NID2: variants seen among roughly 807,000 people sequenced by gnomAD.
NID2 encodes nidogen 2.
A neutral mutation model predicts 145.4 loss-of-function variants in NID2; 83 were observed. That is an observed-to-expected ratio of 0.57 (90% confidence interval 0.48 to 0.69). The LOEUF is 0.69. Ranked by LOEUF, NID2 falls within the 30% of genes least tolerant of loss-of-function variation. The pLI, the probability that NID2 is intolerant of heterozygous loss-of-function variation, is 0.00. For synonymous variants in NID2, 739 were observed against 701.3 expected (o/e 1.05, Z -0.85); for missense variants, 1,807 against 1,765.7 (o/e 1.02, Z -0.42).
intron 9 of NID2, among the ~76,000 whole-genome samples, chr14:52,032,804 G>GAAAAAAAAAAAAA (rs3030384): frequency 3.1e-4 from 44 of 141,812 alleles, no homozygotes; most frequent in African/African-American, 1.0e-3. Context: ...GGCATTAAAA[G>GAAAAAAAAAAAAA]AAAAAAAAAA....
chr14:52,032,804 G>GA (rs3030384), intron 9 of NID2, among the ~76,000 whole-genome samples: 10 of 141,848 alleles, frequency 7.0e-5, no homozygotes, highest in South Asian at 2.2e-4. Context: ...GGCATTAAAA[G>GA]AAAAAAAAAA....
intron 2 of NID2, among the ~76,000 whole-genome samples, chr14:52,063,970 A>G (rs1472244908): frequency 6.6e-6 from 1 of 152,166 alleles, no homozygotes; most frequent in Non-Finnish European, 1.5e-5. Flanking sequence ...TAATTTCCAT[A>G]TATGGTTCAG....
chr14:52,045,084 A>G (rs1196162724), intron 5 of NID2, among the ~76,000 whole-genome samples: 1 of 152,190 alleles, frequency 6.6e-6, no homozygotes, highest in East Asian at 1.9e-4. Flanking sequence ...ATGGGATCCA[A>G]GTACGGAGAT....
chr14:52,014,204 A>T, intron 16 of NID2, 83 bp downstream of exon 16: 1 of 1,565,450 alleles, frequency 6.4e-7, no homozygotes, highest in Non-Finnish European at 8.8e-7. Context: ...GCACCAGTCC[A>T]CCTCACTGCA....
chr14:52,035,337 T>C (rs1389312860), intron 9 of NID2, among the ~76,000 whole-genome samples: 1 of 152,254 alleles, frequency 6.6e-6, no homozygotes, highest in East Asian at 1.9e-4. Context: ...AGTGTAACCT[T>C]TTCCAGAATG....
chr14:52,037,966 T>C (rs1376667901), intron 9 of NID2, among the ~76,000 whole-genome samples: 1 of 152,272 alleles, frequency 6.6e-6, no homozygotes, highest in African/African-American at 2.4e-5. Flanking sequence ...GCATATCTTA[T>C]AACATTGCGA....
chr14:52,012,259 A>G (rs959503809), intron 16 of NID2, among the ~76,000 whole-genome samples: 3 of 152,094 alleles, frequency 2.0e-5, no homozygotes, highest in African/African-American at 7.2e-5. Flanking sequence ...ACAATCACCT[A>G]TACTCCTGCC....
intron 8 of NID2, among the ~76,000 whole-genome samples, 163 bp downstream of exon 8, chr14:52,040,488 G>A (rs3825594): frequency 0.27 from 40,686 of 151,988 alleles, 6,022 homozygotes; most frequent in East Asian, 0.52. Flanking sequence ...TCACTTACAC[G>A]ATATATTTCA....
intron 11 of NID2, 71 bp from the exon 12 acceptor site, chr14:52,027,415 T>G: frequency 2.2e-6 from 3 of 1,350,768 alleles, no homozygotes; most frequent in Non-Finnish European, 2.9e-6. Context: ...CCTCATGGCA[T>G]GATCCACAGA....
At chr14:52,006,839 ATTCAAACT>A in intron 19 of NID2, 179 bp from the exon 20 acceptor site, 1 of 519,380 alleles carries the variant, frequency 1.9e-6, no homozygotes, top group East Asian at 3.6e-5. Context: ...TTTAGTAGAG[ATTCAAACT>A]TTCAATCCTT....
rs541253906 is a variant in NID2, at chr14:52,023,006, T to C, written c.2675-2828A>G. 1.2e-4 allele frequency among the ~76,000 whole-genome samples: 18 copies of C among 152,354 alleles called. No homozygotes were observed. The South Asian group carries it at 3.5e-3, about 30-fold the overall frequency. On this transcript the variant is annotated intron_variant, in intron 12 of 21. Transcript: ENST00000216286. Reference sequence around the variant, plus strand: ...CTGCTGATTGTACCCCTGTATGGCATGTGGTGAACCCACTCCAGACCTGTA... The same window carrying C: ...CTGCTGATTGTACCCCTGTATGGCACGTGGTGAACCCACTCCAGACCTGTA...
intron 8 of NID2, 45 bp downstream of exon 8, chr14:52,040,605 TG>T: frequency 6.6e-7 from 1 of 1,519,670 alleles, no homozygotes; most frequent in Non-Finnish European, 9.1e-7. Context: ...TCTTGTGAGA[TG>T]GGCATAATCC....
At chr14:52,060,410 AAAAC>A (rs1892991101) in intron 2 of NID2, 54 bp from the exon 3 acceptor site, 1 of 982,728 alleles carries the variant, frequency 1.0e-6, no homozygotes. Flanking sequence ...CATCCTGTAA[AAAAC>A]AAATAAAAGA....
At chr14:52,011,111 T>A (rs764543161) in intron 17 of NID2, 64 bp from the exon 18 acceptor site, 19 of 1,545,070 alleles carry the variant, frequency 1.2e-5, no homozygotes, top group Non-Finnish European at 1.6e-5. Context: ...CCTGAAGCCC[T>A]CCAACGGTCG....
At chr14:52,036,678 G>A (rs2749875) in intron 9 of NID2, among the ~76,000 whole-genome samples, 106,277 of 152,060 alleles carry the variant, frequency 0.7, 37,334 homozygotes, top group East Asian at 0.82. Context: ...GTTATTACCC[G>A]TTTTTTGATT....
intron 10 of NID2, 152 bp from the exon 11 acceptor site, chr14:52,029,002 T>A (rs1303420903): frequency 1.5e-6 from 1 of 647,476 alleles, no homozygotes; most frequent in South Asian, 2.8e-5. Flanking sequence ...TATGAATGCA[T>A]GTTGCAGATA....
At chr14:52,043,816 G>T (rs1940451985) in intron 5 of NID2, among the ~76,000 whole-genome samples, 1 of 152,094 alleles carries the variant, frequency 6.6e-6, no homozygotes, top group Admixed American at 6.6e-5. Context: ...TGGACAGGAG[G>T]GTGCTTTCTC....
chr14:52,053,372 C>G (rs1255533898), intron 5 of NID2, among the ~76,000 whole-genome samples: 1 of 152,202 alleles, frequency 6.6e-6, no homozygotes, highest in African/African-American at 2.4e-5. Flanking sequence ...TATTAATGAT[C>G]AAGAGATTCC....
At position 52,054,086 on chromosome 14, in the gene NID2, C is replaced by A. The variant is rs560125845; in HGVS notation, c.1003G>T (p.Ala335Ser). 11 of 1,614,174 alleles carry A rather than the reference C, an allele frequency of 6.8e-6. No individual in the cohort carries two copies. In the South Asian group the frequency reaches 9.9e-5, roughly 14 times the overall value. ...AEYLPGEPEE[A>S]LNGHSSIDVS... ...TCAATGCTGCTGTGGCCATTCAATG[C>A]CTCCTCTGGTTCACCCGGAAGGTAT... is the stretch of plus-strand genomic sequence containing the variant. The change falls in exon 4 of 22, where the codon GCA becomes TCA. Residue 335 changes from alanine (A) to serine (S), a missense_variant. Physicochemically the swap from Ala to Ser is moderately conservative, Grantham distance 99. Coordinates refer to ENST00000216286, the MANE Select transcript of NID2 (RefSeq NM_007361.4).
Sources: allele counts gnomAD v4.1 joint callset (sites outside exome capture counted in the v4.1 genomes callset), GRCh38; gene constraint gnomAD v4.1.1; transcripts MANE v1.5; gene names NCBI Gene and HGNC (gene_info 2026-07-23, HGNC 2026-07-21).